GLRA1: variants seen among roughly 807,000 people sequenced by gnomAD.
The protein encoded by GLRA1 is glycine receptor subunit alpha-1.
A neutral mutation model predicts 48.3 loss-of-function variants in GLRA1; 37 were observed. The ratio of observed to expected loss-of-function variants is 0.77; its 90% CI spans 0.59 to 1.01. The LOEUF (loss-of-function observed/expected upper bound fraction) is 1.01. Among genes scored for constraint, GLRA1 ranks in the 50% least tolerant of loss-of-function variants. GLRA1 has a pLI of 0.00. For missense variants in GLRA1, 427 were observed against 571.0 expected (o/e 0.75, Z 2.57); for synonymous variants, 196 against 210.7 (o/e 0.93, Z 0.60).
intron 3 of GLRA1, among the ~76,000 whole-genome samples, chr5:151,871,697 A>C (rs1366098825): frequency 6.7e-6 from 1 of 149,118 alleles, no homozygotes; most frequent in Non-Finnish European, 1.5e-5. Flanking sequence ...AGTAGCTGGG[A>C]CTACAGGCGC....
rs759998394 is a variant in GLRA1 at position 151,892,356 on chromosome 5, C to T, written c.139G>A (p.Gly47Arg). ...SPSDFLDKLM[G>R]RTSGYDARIR... ...CTGGCATCATATCCGGAGGTTCTCC[C>T]CATTAGCTTATCCAGGAAATCCGAG... Residue 47 changes from glycine to arginine, a missense_variant, in exon 2 of 9, where the codon GGG becomes AGG. Physicochemically the swap from Gly to Arg is moderately radical, Grantham distance 125. Coordinates refer to ENST00000274576, the MANE Select transcript of GLRA1 (RefSeq NM_000171.4). 2 of 1,614,036 alleles carry T rather than the reference C, an allele frequency of 1.2e-6. No homozygotes were observed. The highest frequency in any genetic ancestry group is 1.7e-6 in the Non-Finnish European group (2 of 1,179,918).
intron 3 of GLRA1, among the ~76,000 whole-genome samples, chr5:151,884,593 T>G (rs1324431760): frequency 1.5e-4 from 23 of 152,222 alleles, no homozygotes; most frequent in Admixed American, 1.5e-3. Flanking sequence ...GTGAGCTCAG[T>G]GTATGTGACT....
chr5:151,842,738 T>C (rs1396446073), intron 7 of GLRA1, among the ~76,000 whole-genome samples: 2 of 152,144 alleles, frequency 1.3e-5, no homozygotes, highest in African/African-American at 4.8e-5. Flanking sequence ...TACTGGGAGA[T>C]CTAGCCAGGG....
intron 1 of GLRA1, among the ~76,000 whole-genome samples, chr5:151,915,394 A>C (rs1277290086): frequency 1.3e-5 from 2 of 152,174 alleles, no homozygotes; most frequent in African/African-American, 2.4e-5. Flanking sequence ...CTTATTATCT[A>C]CTTGGAGAAA....
chr5:151,822,637 TC>T lies in GLRA1; in HGVS notation c.*35del. On this transcript the variant is annotated 3_prime_UTR_variant, in exon 9 of 9. Coordinates refer to ENST00000274576, the MANE Select transcript of GLRA1 (RefSeq NM_000171.4). ...TCAGATTCCTGTGCTATTCCCACGT[TC>T]CCCTCTCCCAGCCTCCCCCAACCTT... 6.9e-7 allele frequency: 1 copy of T among 1,444,188 alleles called. No individual in the cohort carries two copies. The highest frequency in any genetic ancestry group is 9.8e-7 in the Non-Finnish European group (1 of 1,025,538). The allele number at this position is 1,444,188 out of a possible 1,614,324, so 89.5% of individuals were successfully genotyped here.
intron 7 of GLRA1, among the ~76,000 whole-genome samples, chr5:151,832,513 C>T (rs935424673): frequency 2.9e-4 from 44 of 152,034 alleles, no homozygotes; most frequent in African/African-American, 1.2e-4. Flanking sequence ...ACACAAGTAT[C>T]GATAGCTGAA....
chr5:151,873,223 T>C (rs1189410383), intron 3 of GLRA1, among the ~76,000 whole-genome samples: 1 of 149,476 alleles, frequency 6.7e-6, no homozygotes, highest in Non-Finnish European at 1.5e-5. Flanking sequence ...GAAATGGATT[T>C]TAGGGCCTAG....
intron 1 of GLRA1, among the ~76,000 whole-genome samples, chr5:151,918,427 A>G (rs1223047938): frequency 6.6e-6 from 1 of 152,126 alleles, no homozygotes; most frequent in Admixed American, 6.5e-5. Flanking sequence ...GCTCATTCTG[A>G]GGCCCTTCTC....
At chr5:151,860,315 A>T (rs544920465) in intron 3 of GLRA1, among the ~76,000 whole-genome samples, 4 of 152,210 alleles carry the variant, frequency 2.6e-5, no homozygotes, top group African/African-American at 4.8e-5. Flanking sequence ...TGTAATGAAC[A>T]CTTGTTTTCA....
intron 1 of GLRA1, among the ~76,000 whole-genome samples, chr5:151,918,359 C>T (rs987806714): frequency 3.3e-5 from 5 of 152,174 alleles, no homozygotes; most frequent in African/African-American, 1.2e-4. Context: ...CTGTGAACAC[C>T]ATCCGGTGCC....
intron 1 of GLRA1, among the ~76,000 whole-genome samples, chr5:151,909,313 C>T (rs1754552441): frequency 6.6e-6 from 1 of 152,130 alleles, no homozygotes; most frequent in Admixed American, 6.5e-5. Flanking sequence ...TGAATGTGTG[C>T]ACTTTTTACC....
chr5:151,907,190 C>CAA lies in GLRA1; in HGVS notation c.57-14754_57-14753dup, dbSNP rs35558701. 1.0e-3 allele frequency among the ~76,000 whole-genome samples: 155 copies of CAA among 151,152 alleles called. 1 individual carries two copies. The highest frequency in any genetic ancestry group is 3.4e-3 in the Middle Eastern group (1 of 290). On this transcript the variant is annotated intron_variant, in intron 1 of 8. Transcript: ENST00000274576. Reference sequence around the variant, plus strand: ...ATATGGCCTAATTTTAGAAGACTTACAAAAAAAAATACAGATAAATTGTTT... The same window carrying CAA: ...ATATGGCCTAATTTTAGAAGACTTACAAAAAAAAAAATACAGATAAATTGTTT...
chr5:151,870,019 A>AT (rs893907390), intron 3 of GLRA1, among the ~76,000 whole-genome samples: 6 of 149,512 alleles, frequency 4.0e-5, no homozygotes, highest in Non-Finnish European at 8.8e-5. Flanking sequence ...TCTATTTAAA[A>AT]TATTTTAAAA....
At chr5:151,910,798 T>C (rs1336880862) in intron 1 of GLRA1, among the ~76,000 whole-genome samples, 1 of 152,224 alleles carries the variant, frequency 6.6e-6, no homozygotes, top group Admixed American at 6.5e-5. Context: ...CTGTTATGTG[T>C]TACCCTCTCT....
chr5:151,878,009 A>C (rs188858901), intron 3 of GLRA1, among the ~76,000 whole-genome samples: 2 of 152,348 alleles, frequency 1.3e-5, no homozygotes, highest in Non-Finnish European at 2.9e-5. Flanking sequence ...GAAATTAGGT[A>C]ACAGGCAGAG....
At position 151,852,117 on chromosome 5, in the gene GLRA1, C is replaced by T. The variant is rs115154280; in HGVS notation, c.698-513G>A. Among the ~76,000 whole-genome samples, 1,396 of 152,250 alleles carry T rather than the reference C, an allele frequency of 9.2e-3. 20 individuals carry two copies. Among genetic ancestry groups the T allele is most frequent in the African/African-American group, 0.031 (1,304 of 41,528 alleles). On this transcript the variant is annotated intron_variant, in intron 6 of 8. Coordinates refer to ENST00000274576, the MANE Select transcript of GLRA1 (RefSeq NM_000171.4). ...CAGGAAAAAGTTTAAACTCTTTAGC[C>T]TGCCCTTTATAATCAAGCTCTAACC...
At chr5:151,918,444 T>C (rs1346119877) in intron 1 of GLRA1, among the ~76,000 whole-genome samples, 3 of 152,214 alleles carry the variant, frequency 2.0e-5, no homozygotes, top group African/African-American at 4.8e-5. Context: ...TCTCATTTCT[T>C]AAAACGAGGC....
chr5:151,889,894 C>T (rs1300832824), intron 2 of GLRA1, among the ~76,000 whole-genome samples: 1 of 151,832 alleles, frequency 6.6e-6, no homozygotes, highest in African/African-American at 2.4e-5. Flanking sequence ...GGAAGCTGCA[C>T]CTCATTCTCA....
chr5:151,897,267 G>A (rs1316090954), intron 1 of GLRA1, among the ~76,000 whole-genome samples: 1 of 152,164 alleles, frequency 6.6e-6, no homozygotes, highest in Non-Finnish European at 1.5e-5. Flanking sequence ...TGAATCTGAT[G>A]TGCTGTGCAT....
Sources: gnomAD v4.1 joint callset for allele counts (sites outside exome capture counted in the v4.1 genomes callset) on GRCh38, gnomAD v4.1.1 for gene constraint, MANE v1.5 for transcripts, NCBI Gene and HGNC (gene_info 2026-07-23, HGNC 2026-07-21) for gene names.